ANXA3: variants seen among roughly 807,000 people sequenced by gnomAD.
ANXA3 encodes 35-alpha calcimedin.
ANXA3 carries 46 observed loss-of-function variants against 48.8 expected under a neutral mutation model. The ratio of observed to expected loss-of-function variants is 0.94; its 90% confidence interval spans 0.74 to 1.21. The LOEUF (loss-of-function observed/expected upper bound fraction) is 1.21, where lower values mean the gene tolerates loss of function less well. Among genes scored for constraint, ANXA3 ranks in the 50% most tolerant of loss-of-function variants. The pLI, the probability that ANXA3 is intolerant of heterozygous loss-of-function variation, is 0.00. For synonymous variants in ANXA3, 128 were observed against 134.7 expected (o/e 0.95, Z 0.35); for missense variants, 383 against 378.6 (o/e 1.01, Z -0.10).
chr4:78,563,731 G>A lies in ANXA3; in HGVS notation c.15+9243G>A, dbSNP rs115890621. Among the ~76,000 whole-genome samples the A allele has an allele frequency of 3.7e-3, 570 of 152,254 alleles. 4 individuals are homozygous for A. Among genetic ancestry groups the A allele is most frequent in the African/African-American group, 0.013 (527 of 41,562 alleles). The stretch of plus-strand genomic sequence containing the variant: ...TGGAATGCTAAGACAGACAGCCACC[G>A]TTCTCTAGCCAAGGGCCATTTAAGA... On this transcript the variant is annotated intron_variant, in intron 2 of 12. Coordinates refer to ENST00000264908, the MANE Select transcript of ANXA3 (RefSeq NM_005139.3).
chr4:78,561,711 CTT>C (rs1177036498), intron 2 of ANXA3, among the ~76,000 whole-genome samples: 6 of 152,004 alleles, frequency 3.9e-5, no homozygotes. Context: ...CTGAAAGAGA[CTT>C]TTCACATCCC....
At chr4:78,608,211 G>T (rs1385562603) in intron 12 of ANXA3, among the ~76,000 whole-genome samples, 1 of 152,172 alleles carries the variant, frequency 6.6e-6, no homozygotes, top group Admixed American at 6.5e-5. Context: ...TGTGCTAAAA[G>T]ATCCTACAAT....
At chr4:78,600,419 A>G (rs1486474404) in intron 10 of ANXA3, among the ~76,000 whole-genome samples, 6 of 152,230 alleles carry the variant, frequency 3.9e-5, no homozygotes, top group Non-Finnish European at 8.8e-5. Flanking sequence ...GTACAAATCT[A>G]GTTGGCAGGG....
At chr4:78,572,189 A>C (rs924405656) in intron 2 of ANXA3, among the ~76,000 whole-genome samples, 2 of 152,258 alleles carry the variant, frequency 1.3e-5, no homozygotes, top group African/African-American at 2.4e-5. Flanking sequence ...CAGTGTCACC[A>C]AGATTAACAC....
In ANXA3 at chr4:78,586,325, G is replaced by A. The variant is rs770111594; in HGVS notation, c.378G>A (p.Lys126=). ...CTACCAGGACAAGCAGGCAAATGAA[G>A]GATATCTCTCAAGCCTATTATACAG... The part of the protein sequence containing the change: ...ILTTRTSRQM[K]DISQAYYTVY... Residue 126 remains lysine (K), a synonymous_variant, in exon 6 of 13, where the codon AAG becomes AAA. Coordinates refer to ENST00000264908, the MANE Select transcript of ANXA3 (RefSeq NM_005139.3). The A allele has an allele frequency of 5.0e-6, 8 of 1,613,392 alleles. No homozygotes were observed. In the South Asian group the frequency reaches 6.6e-5, roughly 13 times the overall value.
chr4:78,574,143 G>T (rs992980068), intron 3 of ANXA3, among the ~76,000 whole-genome samples: 3 of 152,150 alleles, frequency 2.0e-5, no homozygotes, highest in Non-Finnish European at 4.4e-5. Flanking sequence ...CCTTGGTTGG[G>T]CATGGTGGCT....
intron 2 of ANXA3, among the ~76,000 whole-genome samples, chr4:78,558,753 C>A (rs1288832237): frequency 2.0e-5 from 3 of 152,186 alleles, no homozygotes; most frequent in Admixed American, 6.5e-5. Context: ...TACCACTTCA[C>A]CCTTGATGAA....
At chr4:78,584,439 G>T (rs1481839602) in intron 5 of ANXA3, among the ~76,000 whole-genome samples, 2 of 152,062 alleles carry the variant, frequency 1.3e-5, no homozygotes, top group South Asian at 4.1e-4. Flanking sequence ...GCCTCTCAAA[G>T]TACTGGAATT....
chr4:78,591,226 A>G (rs1327534925), intron 6 of ANXA3, among the ~76,000 whole-genome samples: 1 of 152,232 alleles, frequency 6.6e-6, no homozygotes, highest in Non-Finnish European at 1.5e-5. Context: ...GGAAATTGAA[A>G]GGCACACTAG....
In ANXA3 at chr4:78,582,205, T is replaced by C; in HGVS notation, c.227T>C (p.Leu76Pro). The change falls in exon 5 of 13, where the codon CTC becomes CCC. Residue 76 changes from leucine (L) to proline (P), a missense_variant. Coordinates refer to ENST00000264908, the MANE Select transcript of ANXA3 (RefSeq NM_005139.3). ...CTGAAAGATGACTTGAAGGGTGATC[T>C]CTCTGGCCACTTTGAGCATCTCATG... ...KELKDDLKGD[L>P]SGHFEHLMVA... 1 of 1,613,374 alleles carries C rather than the reference T, an allele frequency of 6.2e-7. No homozygotes were observed. The highest frequency in any genetic ancestry group is 8.5e-7 in the Non-Finnish European group (1 of 1,179,380).
chr4:78,573,305 G>GT, intron 3 of ANXA3, 38 bp downstream of exon 3: 3 of 1,445,182 alleles, frequency 2.1e-6, no homozygotes, highest in Non-Finnish European at 2.9e-6. Context: ...TAATGTTGAA[G>GT]CAAATCAGGC....
intron 8 of ANXA3, 86 bp downstream of exon 8, chr4:78,595,523 C>A: frequency 7.3e-7 from 1 of 1,361,356 alleles, no homozygotes; most frequent in Non-Finnish European, 1.0e-6. Flanking sequence ...AGAAAAATAG[C>A]AGCAACAGGG....
At chr4:78,585,103 T>C (rs911710253) in intron 5 of ANXA3, among the ~76,000 whole-genome samples, 17 of 152,240 alleles carry the variant, frequency 1.1e-4, no homozygotes, top group African/African-American at 4.1e-4. Context: ...GGTGTGGCAG[T>C]TGGAGGCTGT....
intron 5 of ANXA3, among the ~76,000 whole-genome samples, chr4:78,585,299 G>C (rs1723148467): frequency 6.6e-6 from 1 of 152,192 alleles, no homozygotes. Flanking sequence ...CATTATCAGA[G>C]ACTCAGTCTC....
At position 78,607,687 on chromosome 4, in the gene ANXA3, A is replaced by G. The variant is rs148739892; in HGVS notation, c.913-2369A>G. ...TTGAGGTAGGTATGAAGAAACAATT[A>G]GAAGATAATAATTGAAACAACAGAC... On this transcript the variant is annotated intron_variant, in intron 12 of 12. Transcript: ENST00000264908. Among the ~76,000 whole-genome samples, 163 of 152,346 alleles carry G rather than the reference A, an allele frequency of 1.1e-3. 1 individual carries two copies. The highest frequency in any genetic ancestry group is 3.7e-3 in the African/African-American group (155 of 41,584).
chr4:78,577,062 A>T (rs1437496712), intron 3 of ANXA3, among the ~76,000 whole-genome samples: 2 of 152,188 alleles, frequency 1.3e-5, no homozygotes, highest in Non-Finnish European at 2.9e-5. Context: ...TTCATCCTGA[A>T]GATTACAAAG....
chr4:78,596,997 T>G (rs1225518017), intron 9 of ANXA3: 2 of 211,672 alleles, frequency 9.4e-6, no homozygotes, highest in Non-Finnish European at 1.9e-5. Context: ...ATAAATAAAA[T>G]TTAAAATAGC....
intron 4 of ANXA3, 144 bp from the exon 5 acceptor site, chr4:78,582,033 A>C: frequency 1.7e-6 from 1 of 584,898 alleles, no homozygotes; most frequent in Non-Finnish European, 3.1e-6. Flanking sequence ...ATATTCATAG[A>C]AATATTTTCA....
intron 2 of ANXA3, among the ~76,000 whole-genome samples, chr4:78,572,306 G>A (rs541910057): frequency 6.6e-6 from 1 of 152,238 alleles, no homozygotes; most frequent in African/African-American, 2.4e-5. Context: ...TGTGTCTGGG[G>A]GGTAGACCAT....
Sources: allele counts gnomAD v4.1 joint callset (sites outside exome capture counted in the v4.1 genomes callset), GRCh38; gene constraint gnomAD v4.1.1; transcripts MANE v1.5; gene names NCBI Gene and HGNC (gene_info 2026-07-23, HGNC 2026-07-21).